FTL: variants seen among roughly 807,000 people sequenced by gnomAD.
FTL encodes ferritin light chain, also known as epididymis secretory sperm binding protein.
Under a neutral mutation model 16.6 loss-of-function variants are expected in FTL, and 17 were observed. The ratio of observed to expected loss-of-function variants is 1.02; its 90% CI spans 0.70 to 1.53. FTL has a LOEUF of 1.53. Among genes scored for constraint, FTL ranks in the 40% most tolerant of loss-of-function variants. FTL has a pLI of 0.00. For missense variants in FTL, 186 were observed against 226.1 expected (o/e 0.82, Z 1.14); for synonymous variants, 73 against 89.9 (o/e 0.81, Z 1.06).
In FTL at chr19:48,966,709, G is replaced by C. The variant is rs768204975; in HGVS notation, c.502G>C (p.Glu168Gln). Residue 168 changes from glutamate (E) to glutamine (Q), a missense_variant, in exon 4 of 4, where the codon GAA becomes CAA. Physicochemically the swap from Glu to Gln is conservative, Grantham distance 29. Coordinates refer to ENST00000331825, the MANE Select transcript of FTL (RefSeq NM_000146.4). ...PEAGLGEYLF[E>Q]RLTLKHD ...GGCTGGGCTGGGCGAGTATCTCTTC[G>C]AAAGGCTCACTCTCAAGCACGACTA... 2 of 1,613,416 alleles carry C rather than the reference G, an allele frequency of 1.2e-6. No homozygotes were observed. Among genetic ancestry groups the C allele is most frequent in the Admixed American group, 1.7e-5 (1 of 60,002 alleles).
intron 2 of FTL, 34 bp downstream of exon 2, chr19:48,965,950 C>A: frequency 6.2e-7 from 1 of 1,611,666 alleles, no homozygotes; most frequent in South Asian, 1.1e-5. Flanking sequence ...CTACATCTCC[C>A]AGCAGGCCGT....
chr19:48,965,988 G>T lies in FTL; in HGVS notation c.249+72G>T, dbSNP rs1298421287. ...GCGCGAGGAGCCTTGATTTGAGGGC[G>T]TAGGTGTCGCGTGGGCTTCTGGGAG... On this transcript the variant is annotated intron_variant, in intron 2 of 3. Coordinates refer to ENST00000331825, the MANE Select transcript of FTL (RefSeq NM_000146.4). 4 of 1,565,118 alleles carry T rather than the reference G, an allele frequency of 2.6e-6. No individual in the cohort carries two copies. The Admixed American group carries it at 5.4e-5, about 21-fold the overall frequency.
rs2038440077 is a variant in FTL at position 48,965,449 on chromosome 19, C to G, written c.-59C>G. 8.5e-7 allele frequency: 1 copy of G among 1,174,600 alleles called. No individual in the cohort carries two copies. 72.8% of individuals were successfully genotyped at this position (1,174,600 alleles called of 1,614,324 possible). ...TCCGGGACCATCTTCTCGGCCATCT[C>G]CTGCTTCTGGGACCTGCCAGCACCG... On this transcript the variant is annotated 5_prime_UTR_variant, in exon 1 of 4. Transcript: ENST00000331825.
chr19:48,965,616 C>T lies in FTL; in HGVS notation c.102+7C>T. ...CTACACCTACCTCTCTCTGGTGAGT[C>T]CCCAGGACGCCCCTGGCCCTAATTT... On this transcript the variant is annotated splice_region_variant and intron_variant, in intron 1 of 3. Coordinates refer to ENST00000331825, the MANE Select transcript of FTL (RefSeq NM_000146.4). The T allele has an allele frequency of 3.1e-6, 5 of 1,607,280 alleles. No individual in the cohort carries two copies. Among genetic ancestry groups the T allele is most frequent in the Non-Finnish European group, 4.3e-6 (5 of 1,173,808 alleles).
At chr19:48,966,192 C>T (rs2038451819) in intron 2 of FTL, 89 bp from the exon 3 acceptor site, 1 of 1,577,796 alleles carries the variant, frequency 6.3e-7, no homozygotes, top group East Asian at 2.2e-5. Context: ...GTGGCCTGGG[C>T]CTCTGACCCC....
At position 48,966,125 on chromosome 19, in the gene FTL, C is replaced by G. The variant is rs2038450866; in HGVS notation, c.250-156C>G. The G allele has an allele frequency of 1.5e-5, 19 of 1,264,996 alleles. No individual in the cohort carries two copies. In the South Asian group the frequency reaches 2.3e-4, roughly 15 times the overall value. 78.4% of individuals were successfully genotyped at this position (1,264,996 alleles called of 1,614,324 possible). A position where few individuals can be genotyped will look rare whatever the true frequency, so the allele number is the denominator to read the frequency against. On this transcript the variant is annotated intron_variant, in intron 2 of 3. Transcript: ENST00000331825. The stretch of plus-strand genomic sequence containing the variant: ...GCTGCGTGGTCTTAGGGACGTATAG[C>G]TGTAAGAGCTAGGACAGGGTGCGGA...
chr19:48,965,340 G>A lies in FTL; in HGVS notation c.-168G>A, dbSNP rs398124635. ...CGGCGGTCCCGCGGGTCTGTCTCTT[G>A]CTTCAACAGTGTTTGGACGGAACAG... On this transcript the variant is annotated 5_prime_UTR_variant, in exon 1 of 4. Transcript: ENST00000331825. 1 of 670,270 alleles carries A rather than the reference G, an allele frequency of 1.5e-6. No individual in the cohort carries two copies. Among genetic ancestry groups the A allele is most frequent in the Non-Finnish European group, 2.7e-6 (1 of 365,920 alleles). 41.5% of individuals were successfully genotyped at this position (670,270 alleles called of 1,614,324 possible).
chr19:48,965,915 A>C lies in FTL; in HGVS notation c.248A>C (p.Lys83Thr). ...GGCCGCGCTCTCTTCCAGGACATCA[A>C]GGTAACTAGTGTGTGGGTAATGGAC... ...RGGRALFQDIKKPAEDEWGKT... is the reference protein window; with the variant it reads ...RGGRALFQDITKPAEDEWGKT... Residue 83 changes from lysine to threonine, a missense_variant and splice_region_variant, in exon 2 of 4, where the codon AAG becomes ACG. Physicochemically the swap from Lys to Thr is moderately conservative, Grantham distance 78. Coordinates refer to ENST00000331825, the MANE Select transcript of FTL (RefSeq NM_000146.4). 6.2e-7 allele frequency: 1 copy of C among 1,614,050 alleles called. No homozygotes were observed. The highest frequency in any genetic ancestry group is 8.5e-7 in the Non-Finnish European group (1 of 1,179,936).
chr19:48,966,225 G>T (rs2038452325), intron 2 of FTL, 56 bp from the exon 3 acceptor site: 2 of 1,612,486 alleles, frequency 1.2e-6, no homozygotes, highest in Admixed American at 3.3e-5. Flanking sequence ...GGAAATGTAG[G>T]TTTAGTTCTA....
Position 48,965,429 on chromosome 19 carries a change from G to A in FTL, c.-79G>A. 1.1e-6 allele frequency: 1 copy of A among 939,098 alleles called. No homozygotes were observed. Among genetic ancestry groups the A allele is most frequent in the Non-Finnish European group, 1.7e-6 (1 of 577,204 alleles). 58.2% of individuals were successfully genotyped at this position (939,098 alleles called of 1,614,324 possible). A position where few individuals can be genotyped will look rare whatever the true frequency, so the allele number is the denominator to read the frequency against. On this transcript the variant is annotated 5_prime_UTR_variant, in exon 1 of 4. Transcript: ENST00000331825. ...TTTCCTCTCCGCTTGCAACCTCCGG[G>A]ACCATCTTCTCGGCCATCTCCTGCT...
chr19:48,965,777 AT>A lies in FTL; in HGVS notation c.113del (p.Phe38SerfsTer11). The A allele has an allele frequency of 6.2e-7, 1 of 1,613,924 alleles. No homozygotes were observed. The highest frequency in any genetic ancestry group is 8.5e-7 in the Non-Finnish European group (1 of 1,179,990). The part of the protein sequence containing the change: ...ASYTYLSLGF[Y>X]FDRDDVALEG... ...CTCCATCTCTTCCCGTAGGGCTTCT[AT>A]TTCGACCGCGATGATGTGGCTCTGG... On this transcript the variant is annotated frameshift_variant, in exon 2 of 4. Coordinates refer to ENST00000331825, the MANE Select transcript of FTL (RefSeq NM_000146.4).
rs1162189833 is a variant in FTL at position 48,965,875 on chromosome 19, C to G, written c.208C>G (p.Gln70Glu). ...REGYERLLKM[Q>E]NQRGGRALFQ... ...GGGCTACGAGCGTCTCCTGAAGATG[C>G]AAAACCAGCGTGGCGGCCGCGCTCT... Residue 70 changes from glutamine (Q) to glutamate (E), a missense_variant, in exon 2 of 4, where the codon CAA (glutamine) becomes GAA (glutamate). By Grantham distance (29) the Gln-to-Glu change is conservative. Transcript: ENST00000331825. 2 of 1,614,084 alleles carry G rather than the reference C, an allele frequency of 1.2e-6. No homozygotes were observed. The highest frequency in any genetic ancestry group is 1.7e-6 in the Non-Finnish European group (2 of 1,180,034).
chr19:48,966,513 C>T, intron 3 of FTL, 70 bp from the exon 4 acceptor site: 1 of 1,611,514 alleles, frequency 6.2e-7, no homozygotes, highest in South Asian at 1.1e-5. Context: ...ACATTTTAAT[C>T]TGCAACTGGC....
chr19:48,966,173 C>T, intron 2 of FTL, 108 bp from the exon 3 acceptor site: 1 of 1,498,920 alleles, frequency 6.7e-7, no homozygotes, highest in South Asian at 1.1e-5. Context: ...CAAGCTGTCA[C>T]ATGTCTTTGT....
Position 48,966,400 on chromosome 19 carries a change from C to T in FTL, c.369C>T (p.Asp123=), listed in dbSNP as rs770832139. 5.6e-6 allele frequency: 9 copies of T among 1,614,006 alleles called. No homozygotes were observed. The African/African-American group carries it at 1.1e-4, about 19-fold the overall frequency. ...ATGCCCTGGGTTCTGCCCGCACGGA[C>T]CCCCATGTACGTACCCGCTGCATCC... ...DLHALGSART[D]PHLCDFLETH... The change falls in exon 3 of 4, where the codon GAC becomes GAT. Residue 123 remains aspartate, a synonymous_variant. Transcript: ENST00000331825.
intron 3 of FTL, 23 bp from the exon 4 acceptor site, chr19:48,966,560 A>G (rs2038458464): frequency 1.2e-6 from 2 of 1,613,648 alleles, no homozygotes; most frequent in African/African-American, 1.3e-5. Flanking sequence ...TTGGGTTTCT[A>G]ATTTCTCCCT....
In FTL at chr19:48,965,583, C is replaced by T. The variant is rs1250527354; in HGVS notation, c.76C>T (p.Gln26Ter). Residue 26 changes from glutamine (Q) to a stop codon, truncating the protein, a stop_gained, in exon 1 of 4, where the codon CAG becomes TAG. Transcript: ENST00000331825. LOFTEE classifies it high-confidence loss of function. The part of the protein sequence containing the change: ...AVNSLVNLYL[Q>*]ASYTYLSLGF... ...CAACAGCCTGGTCAATTTGTACCTG[C>T]AGGCCTCCTACACCTACCTCTCTCT... is the stretch of plus-strand genomic sequence containing the variant. 1 of 1,613,732 alleles carries T rather than the reference C, an allele frequency of 6.2e-7. No individual in the cohort carries two copies. The highest frequency in any genetic ancestry group is 1.7e-5 in the Admixed American group (1 of 60,010).
In FTL at chr19:48,966,442, A is replaced by G. The variant is rs751881523; in HGVS notation, c.375+36A>G. 7 of 1,613,664 alleles carry G rather than the reference A, an allele frequency of 4.3e-6. No homozygotes were observed. The Admixed American group carries it at 1.2e-4, about 27-fold the overall frequency. ...GCTGCATCCATGGCTACCCAACCAT[A>G]CCCCTCAAGCCTCTGCTCCCTTTGG... On this transcript the variant is annotated intron_variant, in intron 3 of 3. Transcript: ENST00000331825.
intron 2 of FTL, 146 bp downstream of exon 2, chr19:48,966,062 A>T: frequency 8.0e-7 from 1 of 1,245,206 alleles, no homozygotes; most frequent in Non-Finnish European, 1.1e-6. Context: ...ATAGAGGCGC[A>T]CCTCGTGCAG....
Sources: allele counts gnomAD v4.1 joint callset, GRCh38; gene constraint gnomAD v4.1.1; transcripts MANE v1.5; gene names NCBI Gene and HGNC (gene_info 2026-07-23, HGNC 2026-07-21).